The following DACH1 variants were observed in gnomAD, a reference collection of about 807,000 sequenced individuals.
The protein encoded by DACH1 is dachshund family transcription factor 1.
DACH1 carries 12 observed loss-of-function variants against 54.2 expected under a neutral mutation model. The observed-to-expected ratio is 0.22, with a 90% CI of 0.14 to 0.36. The LOEUF is 0.36. Ranked by LOEUF, DACH1 falls within the 10% of genes least tolerant of loss-of-function variation. The pLI, the probability that DACH1 is intolerant of heterozygous loss-of-function variation, is 1.00. For synonymous variants in DACH1, 386 were observed against 366.2 expected (o/e 1.05, Z -0.62); for missense variants, 805 against 929.8 (o/e 0.87, Z 1.75).
chr13:71,706,043 T>C (rs1025582787), intron 1 of DACH1, among the ~76,000 whole-genome samples: 1 of 152,020 alleles, frequency 6.6e-6, no homozygotes, highest in Non-Finnish European at 1.5e-5. Flanking sequence ...GATCAAAACC[T>C]TGTCATCATA....
At chr13:71,810,809 AC>A (rs1235628060) in intron 1 of DACH1, among the ~76,000 whole-genome samples, 5 of 152,150 alleles carry the variant, frequency 3.3e-5, no homozygotes, top group Non-Finnish European at 7.4e-5. Flanking sequence ...AAATAAATGA[AC>A]AAGTAGATTT....
In DACH1 at chr13:71,439,879, C is replaced by G. The variant is rs1873851203; in HGVS notation, c.*776G>C. The G allele has an allele frequency of 1.3e-5, 2 of 151,992 alleles. No individual in the cohort carries two copies. The highest frequency in any genetic ancestry group is 4.8e-5 in the African/African-American group (2 of 41,262). 9.4% of individuals were successfully genotyped at this position (151,992 alleles called of 1,614,324 possible). ...TATGACCAACAGTTTGAATAAGAAGCAACATTATTATCTTTAATTCTACAT... is the reference window on the plus strand; with the variant it reads ...TATGACCAACAGTTTGAATAAGAAGGAACATTATTATCTTTAATTCTACAT... On this transcript the variant is annotated 3_prime_UTR_variant, in exon 11 of 11. Transcript: ENST00000613252.
At chr13:71,454,711 G>T (rs1182419356) in intron 10 of DACH1, among the ~76,000 whole-genome samples, 1 of 152,202 alleles carries the variant, frequency 6.6e-6, no homozygotes, top group Non-Finnish European at 1.5e-5. Context: ...ACATTAGTCA[G>T]CTTGGAAGTG....
intron 1 of DACH1, among the ~76,000 whole-genome samples, chr13:71,775,666 A>G (rs951783264): frequency 6.6e-6 from 1 of 152,176 alleles, no homozygotes; most frequent in African/African-American, 2.4e-5. Context: ...ACATTCCTTT[A>G]TATTATTAAG....
intron 1 of DACH1, among the ~76,000 whole-genome samples, chr13:71,864,180 T>TACACACACACAC (rs55651625): frequency 0.01 from 1,113 of 108,452 alleles, 20 homozygotes; most frequent in African/African-American, 0.038. Flanking sequence ...CGCGCGCACA[T>TACACACACACAC]ACACACACAC....
At chr13:71,806,459 C>T (rs1447691439) in intron 1 of DACH1, among the ~76,000 whole-genome samples, 2 of 151,864 alleles carry the variant, frequency 1.3e-5, no homozygotes, top group African/African-American at 4.8e-5. Flanking sequence ...TCTTTTTTTT[C>T]CATTATTTTT....
At chr13:71,743,302 G>T (rs534547512) in intron 1 of DACH1, among the ~76,000 whole-genome samples, 1 of 152,180 alleles carries the variant, frequency 6.6e-6, no homozygotes, top group African/African-American at 2.4e-5. Context: ...GAAAAGCCAT[G>T]GCAGAAGACC....
chr13:71,590,020 G>C (rs1873581677), intron 3 of DACH1, among the ~76,000 whole-genome samples: 3 of 152,090 alleles, frequency 2.0e-5, no homozygotes, highest in African/African-American at 7.2e-5. Flanking sequence ...TTAACTAAAA[G>C]AAGTGTTTAT....
chr13:71,725,065 CTG>C (rs984571090), intron 1 of DACH1, among the ~76,000 whole-genome samples: 7 of 151,804 alleles, frequency 4.6e-5, no homozygotes, highest in African/African-American at 1.7e-4. Context: ...CTTAGTGAAA[CTG>C]AAACTGTAAA....
At chr13:71,784,534 T>C (rs1231337156) in intron 1 of DACH1, among the ~76,000 whole-genome samples, 1 of 152,130 alleles carries the variant, frequency 6.6e-6, no homozygotes, top group African/African-American at 2.4e-5. Flanking sequence ...CAGAGTATGT[T>C]TGGCTTCACA....
At chr13:71,541,339 C>T (rs1344852691) in intron 6 of DACH1, among the ~76,000 whole-genome samples, 1 of 151,910 alleles carries the variant, frequency 6.6e-6, no homozygotes, top group African/African-American at 2.4e-5. Context: ...TTTGTAAGGG[C>T]TTTTAAACTT....
At chr13:71,555,996 CCTT>C (rs1164183522) in intron 6 of DACH1, among the ~76,000 whole-genome samples, 1 of 152,112 alleles carries the variant, frequency 6.6e-6, no homozygotes, top group Admixed American at 6.5e-5. Context: ...GAAATATACT[CCTT>C]CTCTCTAAGG....
intron 1 of DACH1, among the ~76,000 whole-genome samples, chr13:71,753,004 C>T (rs1002113449): frequency 6.6e-6 from 1 of 152,094 alleles, no homozygotes; most frequent in African/African-American, 2.4e-5. Flanking sequence ...CAATGATACA[C>T]AAGGAAAGCA....
At position 71,866,013 on chromosome 13, in the gene DACH1, C is replaced by T; in HGVS notation, c.757G>A (p.Gly253Arg). 6.2e-7 allele frequency: 1 copy of T among 1,613,904 alleles called. No homozygotes were observed. The highest frequency in any genetic ancestry group is 1.3e-5 in the African/African-American group (1 of 74,986). The change falls in exon 1 of 11, where the codon GGA (glycine) becomes AGA (arginine). Residue 253 changes from glycine (G) to arginine (R), a missense_variant. By Grantham distance (125) the Gly-to-Arg change is moderately radical (BLOSUM62 -2). Coordinates refer to ENST00000613252, the MANE Select transcript of DACH1 (RefSeq NM_080759.6). ...CNVEQVRILR[G>R]LGAIQPGVNR... ...ACTCCTGGCTGGATGGCGCCCAGTC[C>T]CCTCAGGATGCGAACTTGTTCCACA... is the stretch of plus-strand genomic sequence containing the variant.
intron 1 of DACH1, among the ~76,000 whole-genome samples, chr13:71,698,413 G>C (rs1233292743): frequency 6.6e-6 from 1 of 152,036 alleles, no homozygotes; most frequent in Non-Finnish European, 1.5e-5. Context: ...GACACTGGTA[G>C]AATATAATAT....
intron 1 of DACH1, among the ~76,000 whole-genome samples, chr13:71,863,907 A>G (rs1874521028): frequency 6.6e-6 from 1 of 151,262 alleles, no homozygotes; most frequent in Non-Finnish European, 1.5e-5. Context: ...AAAAGTAGCA[A>G]TTCACCAATT....
chr13:71,633,601 G>GACACACACACAC (rs76720343), intron 2 of DACH1, among the ~76,000 whole-genome samples: 3 of 149,488 alleles, frequency 2.0e-5, no homozygotes, highest in African/African-American at 7.3e-5. Flanking sequence ...GTGTGTCACT[G>GACACACACACAC]ACACACACAC....
chr13:71,527,428 T>G (rs950933911), intron 6 of DACH1, among the ~76,000 whole-genome samples: 2 of 152,180 alleles, frequency 1.3e-5, no homozygotes, highest in Non-Finnish European at 2.9e-5. Flanking sequence ...AGTAACAGAT[T>G]GTATTTTCCC....
intron 1 of DACH1, among the ~76,000 whole-genome samples, chr13:71,695,418 C>A (rs890031723): frequency 1.3e-5 from 2 of 152,090 alleles, no homozygotes; most frequent in African/African-American, 4.8e-5. Flanking sequence ...ATAGCTATGA[C>A]ACTAAGCTTT....
Sources: allele counts gnomAD v4.1 joint callset (sites outside exome capture counted in the v4.1 genomes callset), GRCh38; gene constraint gnomAD v4.1.1; transcripts MANE v1.5; gene names NCBI Gene and HGNC (gene_info 2026-07-23, HGNC 2026-07-21).